The following ELK4 variants were observed in gnomAD, a reference collection of about 807,000 sequenced individuals.
ELK4 encodes ETS transcription factor ELK4, also known as ETS domain-containing protein Elk-4.
A neutral mutation model predicts 29.6 loss-of-function variants in ELK4; 16 were observed. The ratio of observed to expected loss-of-function variants is 0.54; its 90% CI spans 0.37 to 0.82. The LOEUF (loss-of-function observed/expected upper bound fraction) is 0.82, where lower values mean the gene tolerates loss of function less well. Among genes scored for constraint, ELK4 ranks in the 40% least tolerant of loss-of-function variants. ELK4 has a pLI of 0.00. For missense variants in ELK4, 465 were observed against 507.1 expected, an observed-to-expected ratio of 0.92 and a Z score of 0.80; for synonymous variants, 213 against 191.1, an observed-to-expected ratio of 1.11 and a Z score of -0.95.
Position 205,614,551 on chromosome 1 carries a change from A to C in ELK4, c.*1995T>G, listed in dbSNP as rs1197890645. 4.4e-6 allele frequency: 1 copy of C among 228,956 alleles called. No homozygotes were observed. The highest frequency in any genetic ancestry group is 8.7e-6 in the Non-Finnish European group (1 of 115,460). 14.2% of individuals were successfully genotyped at this position (228,956 alleles called of 1,614,324 possible). On this transcript the variant is annotated 3_prime_UTR_variant, in exon 5 of 5. Transcript: ENST00000357992. ...CACTACTATTGCACATCTCAGGAAC[A>C]GAACCTTCAACTGATAACCACAAAT...
intron 1 of ELK4, among the ~76,000 whole-genome samples, chr1:205,624,943 T>A (rs1670424104): frequency 6.6e-6 from 1 of 152,210 alleles, no homozygotes; most frequent in South Asian, 2.1e-4. Context: ...AACACCTTTC[T>A]ATTAGGAAGA....
chr1:205,608,861 T>C lies in ELK4; in HGVS notation c.*7685A>G, dbSNP rs891511534. The C allele has an allele frequency of 3.6e-5, 7 of 197,022 alleles. No homozygotes were observed. The highest frequency in any genetic ancestry group is 1.6e-4 in the African/African-American group (7 of 43,348). The allele number at this position is 197,022 out of a possible 1,614,324, so 12.2% of individuals were successfully genotyped here. On this transcript the variant is annotated 3_prime_UTR_variant, in exon 5 of 5. Coordinates refer to ENST00000357992, the MANE Select transcript of ELK4 (RefSeq NM_001973.4). ...CTTGACATGTTCTTACTACCACATA[T>C]CCCAAACTAAGACATACACATAAAA...
chr1:205,622,439 T>C (rs1018732394), intron 2 of ELK4, among the ~76,000 whole-genome samples: 1 of 152,226 alleles, frequency 6.6e-6, no homozygotes, highest in African/African-American at 2.4e-5. Flanking sequence ...AGGGTTCTCA[T>C]GGAGTGCAGT....
rs538793260 is a variant in ELK4, at chr1:205,609,740, A to G, written c.*6806T>C. On this transcript the variant is annotated 3_prime_UTR_variant, in exon 5 of 5. Coordinates refer to ENST00000357992, the MANE Select transcript of ELK4 (RefSeq NM_001973.4). ...AGAAACTTAAAATTGGATACTTTAT[A>G]AATTTAAGTGTAATCTATCAATTGC... 95 of 208,982 alleles carry G rather than the reference A, an allele frequency of 4.5e-4. No homozygotes were observed. The highest frequency in any genetic ancestry group is 7.8e-5 in the Non-Finnish European group (8 of 102,652). The allele number at this position is 208,982 out of a possible 1,614,324, so 12.9% of individuals were successfully genotyped here. A position where few individuals can be genotyped will look rare whatever the true frequency, so the allele number is the denominator to read the frequency against.
At chr1:205,622,209 G>A (rs879381470) in intron 2 of ELK4, among the ~76,000 whole-genome samples, 5 of 152,106 alleles carry the variant, frequency 3.3e-5, no homozygotes, top group East Asian at 1.9e-4. Flanking sequence ...GCAAGACTCC[G>A]TCTCAAACAA....
At chr1:205,617,965 A>ATATGTGTG (rs371395092) in intron 4 of ELK4, among the ~76,000 whole-genome samples, 4 of 147,488 alleles carry the variant, frequency 2.7e-5, no homozygotes, top group African/African-American at 1.0e-4. Flanking sequence ...TCCCCCATAT[A>ATATGTGTG]TGTGTGTGTG....
At position 205,625,695 on chromosome 1, in the gene ELK4, G is replaced by C. The variant is rs896930565; in HGVS notation, c.-9-1804C>G. ...CTGCTGCTTCTTTTTTTTTTTTTTT[G>C]TGAGATGGAGTCCCACTCTGTCACC... is the stretch of plus-strand genomic sequence containing the variant. On this transcript the variant is annotated intron_variant, in intron 1 of 4. Transcript: ENST00000357992. The C allele has an allele frequency of 4.9e-6, 3 of 611,166 alleles. No individual in the cohort carries two copies. In the South Asian group the frequency reaches 5.1e-5, roughly 10 times the overall value. The allele number at this position is 611,166 out of a possible 1,614,324, so 37.9% of individuals were successfully genotyped here.
At chr1:205,618,009 G>A (rs1011152769) in intron 4 of ELK4, among the ~76,000 whole-genome samples, 6 of 63,516 alleles carry the variant, frequency 9.4e-5, no homozygotes, top group Non-Finnish European at 2.2e-4. Context: ...GCAAGAGAGA[G>A]AGAGAGAGTG....
rs1178155348 is a variant in ELK4 at position 205,615,792 on chromosome 1, T to C, written c.*754A>G. On this transcript the variant is annotated 3_prime_UTR_variant, in exon 5 of 5. Coordinates refer to ENST00000357992, the MANE Select transcript of ELK4 (RefSeq NM_001973.4). ...GTGCTAGATGTGAGGTCCCATATTCTTACTAGGTGTTCCAAAAACTGTCTT... is the reference window on the plus strand; with the variant it reads ...GTGCTAGATGTGAGGTCCCATATTCCTACTAGGTGTTCCAAAAACTGTCTT... 1 of 211,118 alleles carries C rather than the reference T, an allele frequency of 4.7e-6. No homozygotes were observed. The allele number at this position is 211,118 out of a possible 1,614,324, so 13.1% of individuals were successfully genotyped here.
chr1:205,619,088 GC>G lies in ELK4; in HGVS notation c.1081-16del. The G allele has an allele frequency of 6.6e-7, 1 of 1,505,366 alleles. No individual in the cohort carries two copies. The highest frequency in any genetic ancestry group is 1.4e-5 in the African/African-American group (1 of 70,434). 93.3% of individuals were successfully genotyped at this position (1,505,366 alleles called of 1,614,324 possible). On this transcript the variant is annotated splice_polypyrimidine_tract_variant and intron_variant, in intron 3 of 4. Coordinates refer to ENST00000357992, the MANE Select transcript of ELK4 (RefSeq NM_001973.4). Reference sequence around the variant, plus strand: ...ATGATGGGTGTCTGCAATACACAAAGCAAAAATATTCACTGACTGACTTACC... The same window carrying G: ...ATGATGGGTGTCTGCAATACACAAAGAAAAATATTCACTGACTGACTTACC...
chr1:205,611,371 A>G lies in ELK4; in HGVS notation c.*5175T>C, dbSNP rs1670148529. ...CACCTTCTTTTCTTAATACACGACC[A>G]ACCACAAGAATTCTAGATCCTAAGA... On this transcript the variant is annotated 3_prime_UTR_variant, in exon 5 of 5. Transcript: ENST00000357992. The G allele has an allele frequency of 4.7e-6, 1 of 211,744 alleles. No homozygotes were observed. The highest frequency in any genetic ancestry group is 9.6e-6 in the Non-Finnish European group (1 of 104,398). The allele number at this position is 211,744 out of a possible 1,614,324, so 13.1% of individuals were successfully genotyped here.
rs1670195891 is a variant in ELK4, at chr1:205,614,230, A to C, written c.*2316T>G. 4.5e-6 allele frequency: 1 copy of C among 219,872 alleles called. No individual in the cohort carries two copies. Among genetic ancestry groups the C allele is most frequent in the South Asian group, 1.8e-4 (1 of 5,434 alleles). The allele number at this position is 219,872 out of a possible 1,614,324, so 13.6% of individuals were successfully genotyped here. ...TCAATGGTGCCCTTGGTTCCAAGGTACCTCTGTGCTGAGACAGTTAATTAT... is the reference window on the plus strand; with the variant it reads ...TCAATGGTGCCCTTGGTTCCAAGGTCCCTCTGTGCTGAGACAGTTAATTAT... On this transcript the variant is annotated 3_prime_UTR_variant, in exon 5 of 5. Coordinates refer to ENST00000357992, the MANE Select transcript of ELK4 (RefSeq NM_001973.4).
At position 205,618,738 on chromosome 1, in the gene ELK4, G is replaced by A. The variant is rs111633708; in HGVS notation, c.1197+219C>T. Among the ~76,000 whole-genome samples the A allele has an allele frequency of 4.2e-3, 633 of 152,288 alleles. 6 individuals carry two copies. The highest frequency in any genetic ancestry group is 0.015 in the African/African-American group (612 of 41,558). ...CTCCGGAGGCTGAGGCAGGAGAATCGCTTGAACCTGGAAGGTGCAGGTTGC... is the reference window on the plus strand; with the variant it reads ...CTCCGGAGGCTGAGGCAGGAGAATCACTTGAACCTGGAAGGTGCAGGTTGC... On this transcript the variant is annotated intron_variant, in intron 4 of 4. Transcript: ENST00000357992.
rs1179992941 is a variant in ELK4, at chr1:205,614,370, T to C, written c.*2176A>G. Reference sequence around the variant, plus strand: ...TCTAGTTAAATCAACCATCTATATCTACTTATTTAATGTACAAAATGTTAA... The same window carrying C: ...TCTAGTTAAATCAACCATCTATATCCACTTATTTAATGTACAAAATGTTAA... On this transcript the variant is annotated 3_prime_UTR_variant, in exon 5 of 5. Coordinates refer to ENST00000357992, the MANE Select transcript of ELK4 (RefSeq NM_001973.4). 1 of 226,024 alleles carries C rather than the reference T, an allele frequency of 4.4e-6. No homozygotes were observed. The highest frequency in any genetic ancestry group is 1.3e-3 in the Middle Eastern group (1 of 774). The allele number at this position is 226,024 out of a possible 1,614,324, so 14.0% of individuals were successfully genotyped here.
rs761228045 is a variant in ELK4 at position 205,623,702 on chromosome 1, G to C, written c.181C>G (p.Arg61Gly). 1 of 1,614,062 alleles carries C rather than the reference G, an allele frequency of 6.2e-7. No homozygotes were observed. The change falls in exon 2 of 5, where the codon CGA (arginine) becomes GGA (glycine). Residue 61 changes from arginine to glycine, a missense_variant. By Grantham distance (125) the Arg-to-Gly change is moderately radical. This residue lies in a region of ELK4 where 385 missense variants were observed against 387.5 expected (regional missense o/e 0.99). Transcript: ENST00000357992. ...KPNMNYDKLS[R>G]ALRYYYVKNI... The stretch of plus-strand genomic sequence containing the variant: ...TTTACATAATAGTATCTGAGGGCTC[G>C]GCTGAGTTTGTCATAATTCATGTTA...
rs1160050457 is a variant in ELK4 at position 205,614,974 on chromosome 1, T to G, written c.*1572A>C. ...GAACCAACAAATCTGTACCTGGCAT[T>G]GATTACCATATAGTAATATTTTAAA... On this transcript the variant is annotated 3_prime_UTR_variant, in exon 5 of 5. Coordinates refer to ENST00000357992, the MANE Select transcript of ELK4 (RefSeq NM_001973.4). 1 of 212,624 alleles carries G rather than the reference T, an allele frequency of 4.7e-6. No homozygotes were observed. Among genetic ancestry groups the G allele is most frequent in the Non-Finnish European group, 9.5e-6 (1 of 105,152 alleles). The allele number at this position is 212,624 out of a possible 1,614,324, so 13.2% of individuals were successfully genotyped here.
intron 1 of ELK4, chr1:205,626,026 C>T: frequency 6.9e-7 from 1 of 1,447,912 alleles, no homozygotes. Context: ...GCTGAGGATG[C>T]CTTGTTTTTC....
Position 205,609,946 on chromosome 1 carries a change from A to C in ELK4, c.*6600T>G, listed in dbSNP as rs958690170. The stretch of plus-strand genomic sequence containing the variant: ...TTCCAGAAAACATAAACAAGAAATA[A>C]ACCTTACTTCTCTGACCCTCAATAT... On this transcript the variant is annotated 3_prime_UTR_variant, in exon 5 of 5. Transcript: ENST00000357992. The C allele has an allele frequency of 4.4e-6, 1 of 229,738 alleles. No individual in the cohort carries two copies. Among genetic ancestry groups the C allele is most frequent in the African/African-American group, 2.2e-5 (1 of 45,168 alleles). 14.2% of individuals were successfully genotyped at this position (229,738 alleles called of 1,614,324 possible).
chr1:205,620,631 T>C lies in ELK4; in HGVS notation c.415A>G (p.Asn139Asp), dbSNP rs767475005. Residue 139 changes from asparagine (N) to aspartate (D), a missense_variant, in exon 3 of 5, where the codon AAT becomes GAT. Around this residue, in one of 2 missense-constraint regions of ELK4, gnomAD observed 385 missense variants for 387.5 expected, o/e 0.99. Coordinates refer to ENST00000357992, the MANE Select transcript of ELK4 (RefSeq NM_001973.4). ...TATAAGCCAGAGTGTATGTAGTCAT[T>C]GCGGCTAGAGGTCTTGGCACCAGGC... The part of the protein sequence containing the change: ...PQPGAKTSSR[N>D]DYIHSGLYSS... 2 of 1,614,162 alleles carry C rather than the reference T, an allele frequency of 1.2e-6. No individual in the cohort carries two copies. Among genetic ancestry groups the C allele is most frequent in the East Asian group, 4.5e-5 (2 of 44,878 alleles).
Sources: allele counts gnomAD v4.1 joint callset (sites outside exome capture counted in the v4.1 genomes callset), GRCh38; gene constraint gnomAD v4.1.1; regional missense constraint gnomAD v4.1.1; transcripts MANE v1.5; gene names NCBI Gene and HGNC (gene_info 2026-07-23, HGNC 2026-07-21).